The following ZFAT variants were observed in gnomAD, a reference collection of about 807,000 sequenced individuals.
The protein encoded by ZFAT is zinc finger protein ZFAT.
A neutral mutation model predicts 117.7 loss-of-function variants in ZFAT; 64 were observed. The ratio of observed to expected loss-of-function variants is 0.54; its 90% confidence interval spans 0.44 to 0.67. The LOEUF (loss-of-function observed/expected upper bound fraction) is 0.67, where lower values mean the gene tolerates loss of function less well. Among genes scored for constraint, ZFAT ranks in the 30% least tolerant of loss-of-function variants. The pLI, the probability that ZFAT is intolerant of heterozygous loss-of-function variation, is 0.00. For missense variants in ZFAT, 1,433 were observed against 1,584.5 expected, an observed-to-expected ratio of 0.90 and a Z score of 1.62; for synonymous variants, 679 against 615.0, an observed-to-expected ratio of 1.10 and a Z score of -1.54.
chr8:134,720,262 G>A, the ZFAT span, among the ~76,000 whole-genome samples: 1 of 152,264 alleles, frequency 6.6e-6, no homozygotes, highest in South Asian at 2.1e-4. Flanking sequence ...CCATAGGATT[G>A]CAAAACATGA....
At chr8:134,487,700 C>T (rs1317801196) in intron 15 of ZFAT, among the ~76,000 whole-genome samples, 3 of 152,148 alleles carry the variant, frequency 2.0e-5, no homozygotes, top group Non-Finnish European at 4.4e-5. Context: ...CATCTTTTCC[C>T]AAAGATCCCT....
intron 1 of ZFAT, among the ~76,000 whole-genome samples, chr8:134,685,347 T>G (rs79452744): frequency 0.029 from 4,364 of 152,214 alleles, 109 homozygotes; most frequent in Non-Finnish European, 0.043. Context: ...GCTTGTTATT[T>G]CCTGTAATGC....
intron 3 of ZFAT, among the ~76,000 whole-genome samples, chr8:134,628,714 G>C (rs1173992591): frequency 6.6e-6 from 1 of 152,174 alleles, no homozygotes; most frequent in Non-Finnish European, 1.5e-5. Flanking sequence ...TGAGCCAAAA[G>C]GCCTGAGTCT....
intron 10 of ZFAT, among the ~76,000 whole-genome samples, chr8:134,570,959 C>G (rs1204314939): frequency 6.6e-6 from 1 of 152,186 alleles, no homozygotes; most frequent in Non-Finnish European, 1.5e-5. Context: ...CAGACAGAGA[C>G]AGGACATCAG....
chr8:134,673,705 C>T (rs530159443), intron 1 of ZFAT, among the ~76,000 whole-genome samples: 1 of 150,484 alleles, frequency 6.6e-6, no homozygotes, highest in South Asian at 2.1e-4. Context: ...ATTTGAATAA[C>T]CTCAGTATAT....
chr8:134,564,682 C>T (rs1037594067), intron 11 of ZFAT, among the ~76,000 whole-genome samples: 6 of 152,192 alleles, frequency 3.9e-5, no homozygotes, highest in African/African-American at 1.4e-4. Context: ...TGTTGCTGTG[C>T]CAGCAACAGC....
At chr8:134,681,542 C>T (rs544707710) in intron 1 of ZFAT, among the ~76,000 whole-genome samples, 12 of 152,314 alleles carry the variant, frequency 7.9e-5, no homozygotes, top group Admixed American at 5.9e-4. Context: ...CAAAATGCTA[C>T]ATTATGAGAC....
At chr8:134,663,949 A>G (rs976147239) in intron 1 of ZFAT, among the ~76,000 whole-genome samples, 2 of 152,190 alleles carry the variant, frequency 1.3e-5, no homozygotes, top group African/African-American at 4.8e-5. Flanking sequence ...ACTAATGAGG[A>G]AGCTGAGTCG....
At chr8:134,486,675 C>T (rs529252131) in intron 15 of ZFAT, among the ~76,000 whole-genome samples, 11 of 152,204 alleles carry the variant, frequency 7.2e-5, no homozygotes, top group Middle Eastern at 3.4e-3. Flanking sequence ...TCCAGCCTTC[C>T]GTGTTTCAGG....
the ZFAT span, among the ~76,000 whole-genome samples, chr8:134,724,111 C>A: frequency 2.0e-4 from 31 of 152,310 alleles, no homozygotes; most frequent in African/African-American, 7.5e-4. Flanking sequence ...GAATCTTATG[C>A]CAGTTTCTAT....
chr8:134,565,457 G>A (rs370553327), intron 10 of ZFAT, 36 bp from the exon 11 acceptor site: 2 of 1,593,148 alleles, frequency 1.3e-6, no homozygotes, highest in Non-Finnish European at 1.7e-6. Context: ...AGCGTCGCCA[G>A]GCCAACAGCT....
rs189348644 is a variant in ZFAT, at chr8:134,616,580, A to G, written c.449-5925T>C. On this transcript the variant is annotated intron_variant, in intron 3 of 15. Transcript: ENST00000377838. ...TTCAATAGTCTCCTGCTTCCTCTGAATTGCTGACTTTTTCAACTTTTCTAC... is the reference window on the plus strand; with the variant it reads ...TTCAATAGTCTCCTGCTTCCTCTGAGTTGCTGACTTTTTCAACTTTTCTAC... Among the ~76,000 whole-genome samples the G allele has an allele frequency of 1.4e-3, 214 of 152,190 alleles. 5 individuals carry two copies. Among genetic ancestry groups the G allele is most frequent in the Admixed American group, 0.014 (213 of 15,292 alleles).
the ZFAT span, among the ~76,000 whole-genome samples, chr8:134,754,993 T>C: frequency 1.3e-5 from 2 of 152,180 alleles, no homozygotes; most frequent in African/African-American, 2.4e-5. Flanking sequence ...AGAACCAAGT[T>C]ATTCCTGAAG....
At chr8:134,708,488 C>A (rs1423661231) in intron 1 of ZFAT, among the ~76,000 whole-genome samples, 1 of 151,352 alleles carries the variant, frequency 6.6e-6, no homozygotes, top group South Asian at 2.1e-4. Flanking sequence ...GATTATGTTA[C>A]CCAATTTTAA....
the ZFAT span, among the ~76,000 whole-genome samples, chr8:134,782,773 C>A: frequency 6.6e-6 from 1 of 151,798 alleles, no homozygotes; most frequent in Non-Finnish European, 1.5e-5. Context: ...ACTATGAGTC[C>A]ATTAAACCTC....
the ZFAT span, among the ~76,000 whole-genome samples, chr8:134,762,011 T>TGTGTGTGTGTGTGTGTGTGTGC: frequency 1.3e-4 from 20 of 150,136 alleles, no homozygotes; most frequent in African/African-American, 4.9e-4. Context: ...TGTGTGTGTG[T>TGTGTGTGTGTGTGTGTGTGTGC]GCAAATGTGT....
intron 11 of ZFAT, among the ~76,000 whole-genome samples, chr8:134,546,318 G>A (rs1822689750): frequency 6.6e-6 from 1 of 152,194 alleles, no homozygotes; most frequent in South Asian, 2.1e-4. Context: ...GAGGGGTTTT[G>A]GTGGTAGGAC....
At chr8:134,703,212 T>A (rs541898222) in intron 1 of ZFAT, among the ~76,000 whole-genome samples, 35 of 152,372 alleles carry the variant, frequency 2.3e-4, no homozygotes, top group African/African-American at 7.5e-4. Context: ...CGTAGTAGTG[T>A]CTCATTGTGA....
chr8:134,652,649 T>A (rs1831317738), intron 2 of ZFAT, among the ~76,000 whole-genome samples: 1 of 152,222 alleles, frequency 6.6e-6, no homozygotes, highest in African/African-American at 2.4e-5. Context: ...TTCACAGATG[T>A]GTAAATAGCC....
Sources: allele counts gnomAD v4.1 joint callset (sites outside exome capture counted in the v4.1 genomes callset), GRCh38; gene constraint gnomAD v4.1.1; transcripts MANE v1.5; gene names NCBI Gene and HGNC (gene_info 2026-07-23, HGNC 2026-07-21).